Variants in ATP2C1 observed in about 807,000 individuals in gnomAD.
ATP2C1 encodes the protein ATPase secretory pathway Ca2+ transporting 1.
Under a neutral mutation model 120.5 loss-of-function variants are expected in ATP2C1, and 31 were observed. That is an observed-to-expected ratio of 0.26 (90% CI 0.19 to 0.35). The LOEUF (loss-of-function observed/expected upper bound fraction) is 0.35, where lower values mean the gene tolerates loss of function less well. ATP2C1 is among the 10% of genes least tolerant of loss of function. The pLI is 1.00. For synonymous variants in ATP2C1, 351 were observed against 358.7 expected, an observed-to-expected ratio of 0.98 and a Z score of 0.24; for missense variants, 731 against 1,107.5, an observed-to-expected ratio of 0.66 and a Z score of 4.83.
At chr3:130,973,174 T>A (rs1389499707) in intron 17 of ATP2C1, among the ~76,000 whole-genome samples, 1 of 152,094 alleles carries the variant, frequency 6.6e-6, no homozygotes, top group African/African-American at 2.4e-5. Flanking sequence ...TGAGAAGATT[T>A]TATCAACTAA....
At chr3:130,979,463 A>C in intron 19 of ATP2C1, 44 bp downstream of exon 19, 11 of 1,587,708 alleles carry the variant, frequency 6.9e-6, no homozygotes, top group Non-Finnish European at 9.5e-6. Context: ...GTTTTTCTTA[A>C]AATACTGTGG....
intron 2 of ATP2C1, among the ~76,000 whole-genome samples, chr3:130,898,236 A>C (rs2069810619): frequency 6.6e-6 from 1 of 152,192 alleles, no homozygotes; most frequent in Admixed American, 6.5e-5. Context: ...TTATAGACAG[A>C]GCTAATAGGT....
Position 130,998,374 on chromosome 3 carries a change from A to G in ATP2C1, c.2472A>G (p.Leu824=), listed in dbSNP as rs765072006. ...CFVFFDMFNA[L]SSRSQTKSVF... is the part of the protein sequence containing the mutation. ...TGTTTTTTGACATGTTCAATGCACTAAGTTCCAGATCCCAGGTATGTTTAG... is the reference window on the plus strand; with the variant it reads ...TGTTTTTTGACATGTTCAATGCACTGAGTTCCAGATCCCAGGTATGTTTAG... Residue 824 remains leucine (L), a synonymous_variant, in exon 26 of 28, where the codon CTA becomes CTG. Coordinates refer to ENST00000510168, the MANE Select transcript of ATP2C1 (RefSeq NM_001378687.1). 3.1e-5 allele frequency: 50 copies of G among 1,605,192 alleles called. No homozygotes were observed. The highest frequency in any genetic ancestry group is 3.9e-5 in the Non-Finnish European group (46 of 1,171,966).
At chr3:131,014,524 A>C (rs1287791341) in intron 26 of ATP2C1, 13 of 852,380 alleles carry the variant, frequency 1.5e-5, no homozygotes, top group South Asian at 6.3e-5. Flanking sequence ...GAAATTACTT[A>C]AGAATAATCT....
intron 26 of ATP2C1, chr3:131,014,320 G>C: frequency 6.2e-7 from 1 of 1,613,890 alleles, no homozygotes; most frequent in Non-Finnish European, 8.5e-7. Context: ...ATGCTCAGGA[G>C]ACTTTCTACA....
chr3:130,855,671 A>G (rs976890686), intron 1 of ATP2C1, among the ~76,000 whole-genome samples: 1 of 152,154 alleles, frequency 6.6e-6, no homozygotes. Flanking sequence ...GATGTAGAAA[A>G]AGGCCATATG....
chr3:130,911,075 T>G (rs1480364638), intron 2 of ATP2C1, among the ~76,000 whole-genome samples: 1 of 151,920 alleles, frequency 6.6e-6, no homozygotes, highest in African/African-American at 2.4e-5. Flanking sequence ...ATCCATCTGG[T>G]CCTGGACTCC....
At chr3:130,970,404 A>ACACACACACC (rs1321917253) in intron 17 of ATP2C1, among the ~76,000 whole-genome samples, 1 of 149,890 alleles carries the variant, frequency 6.7e-6, no homozygotes, top group Non-Finnish European at 1.5e-5. Context: ...ACACACACAC[A>ACACACACACC]CACCCTTAAA....
In ATP2C1 at chr3:131,001,443, T is replaced by C; in HGVS notation, c.*93T>C. On this transcript the variant is annotated 3_prime_UTR_variant, in exon 28 of 28. Coordinates refer to ENST00000510168, the MANE Select transcript of ATP2C1 (RefSeq NM_001378687.1). ...CAAGAGGATATGAAGATTTGAGAAC[T>C]TTTTAACTATTCATTGACTAAAAAT... 6.6e-7 allele frequency: 1 copy of C among 1,503,826 alleles called. No homozygotes were observed. The highest frequency in any genetic ancestry group is 8.9e-7 in the Non-Finnish European group (1 of 1,127,736). The allele number at this position is 1,503,826 out of a possible 1,614,324, so 93.2% of individuals were successfully genotyped here. A position where few individuals can be genotyped will look rare whatever the true frequency, so the allele number is the denominator to read the frequency against.
chr3:130,903,614 TCTCC>T lies in ATP2C1; in HGVS notation c.6+8850_6+8853del, dbSNP rs1452994105. On this transcript the variant is annotated intron_variant, in intron 2 of 27. Coordinates refer to ENST00000510168, the MANE Select transcript of ATP2C1 (RefSeq NM_001378687.1). Reference sequence around the variant, plus strand: ...AATCTAAAAAAACTTTCTTTCTTTCTCTCCCTCCCTCCCTTCTTTCCTTCTGCCC... The same window carrying T: ...AATCTAAAAAAACTTTCTTTCTTTCTCTCCCTCCCTTCTTTCCTTCTGCCC... 2.6e-5 allele frequency among the ~76,000 whole-genome samples: 4 copies of T among 151,510 alleles called. No individual in the cohort carries two copies. The South Asian group carries it at 6.3e-4, about 24-fold the overall frequency.
intron 14 of ATP2C1, 81 bp from the exon 15 acceptor site, chr3:130,967,064 A>G (rs376933269): frequency 8.5e-6 from 8 of 936,562 alleles, no homozygotes; most frequent in African/African-American, 8.1e-5. Flanking sequence ...AGAACTCATT[A>G]TAGTTTTTGG....
In ATP2C1 at chr3:130,867,543, C is replaced by T. The variant is rs1191459546; in HGVS notation, c.108+16615C>T. 8.6e-3 allele frequency among the ~76,000 whole-genome samples: 1,279 copies of T among 149,064 alleles called. 13 individuals are homozygous for T. The highest frequency in any genetic ancestry group is 0.025 in the African/African-American group (1,000 of 40,342). ...CTAACCGCGAGTGATCCGCCAGCCT[C>T]GGCCTCCCGAGGTGCCGGGATTGCA... On this transcript the variant is annotated intron_variant, in intron 1 of 26. Transcript: ENST00000504381.
Position 130,978,358 on chromosome 3 carries a change from T to G in ATP2C1, c.1571-891T>G, listed in dbSNP as rs77628915. 8.0e-3 allele frequency among the ~76,000 whole-genome samples: 1,224 copies of G among 152,266 alleles called. 22 individuals are homozygous for G. The highest frequency in any genetic ancestry group is 0.027 in the African/African-American group (1,113 of 41,536). Reference sequence around the variant, plus strand: ...GTTTCTTTGGTCTCTCTGGGGCTTTTCAGTCTCCTCTTGACTTATTTATGT... The same window carrying G: ...GTTTCTTTGGTCTCTCTGGGGCTTTGCAGTCTCCTCTTGACTTATTTATGT... On this transcript the variant is annotated intron_variant, in intron 18 of 27. Transcript: ENST00000510168.
intron 23 of ATP2C1, 142 bp downstream of exon 23, chr3:130,996,253 T>C (rs2062617791): frequency 2.8e-6 from 2 of 707,530 alleles, no homozygotes; most frequent in South Asian, 1.6e-5. Flanking sequence ...AGAAAATTTA[T>C]TGTATTCTGA....
chr3:130,991,432 T>A (rs1466542153), intron 20 of ATP2C1, among the ~76,000 whole-genome samples: 1 of 152,088 alleles, frequency 6.6e-6, no homozygotes, highest in Admixed American at 6.5e-5. Flanking sequence ...AGACAGCAAG[T>A]ATAGGCTACT....
At chr3:130,973,477 A>G (rs1289369055) in intron 17 of ATP2C1, among the ~76,000 whole-genome samples, 1 of 152,142 alleles carries the variant, frequency 6.6e-6, no homozygotes, top group Admixed American at 6.6e-5. Flanking sequence ...CATGAATAAT[A>G]TTGAACCTTA....
chr3:130,955,939 A>G (rs2060562882), intron 10 of ATP2C1, 165 bp from the exon 11 acceptor site: 1 of 595,958 alleles, frequency 1.7e-6, no homozygotes, highest in East Asian at 3.0e-5. Flanking sequence ...GCATTGTGTA[A>G]AATCTAAGTC....
Position 131,002,867 on chromosome 3 carries a change from T to A in ATP2C1, c.*1517T>A. 2 of 985,872 alleles carry A rather than the reference T, an allele frequency of 2.0e-6. No homozygotes were observed. The highest frequency in any genetic ancestry group is 2.4e-6 in the Non-Finnish European group (2 of 829,920). The allele number at this position is 985,872 out of a possible 1,614,324, so 61.1% of individuals were successfully genotyped here. ...GTAAGGAGCTGGCTGCAGTTTATTC[T>A]ACTTAACCCTTTAAGGCTGAATTGT... On this transcript the variant is annotated 3_prime_UTR_variant, in exon 28 of 28. Coordinates refer to ENST00000510168, the MANE Select transcript of ATP2C1 (RefSeq NM_001378687.1).
At chr3:130,996,591 TAAGA>T (rs1233394799) in intron 23 of ATP2C1, 85 bp from the exon 24 acceptor site, 7 of 885,966 alleles carry the variant, frequency 7.9e-6, no homozygotes, top group Non-Finnish European at 1.3e-5. Context: ...AGCATAGTAG[TAAGA>T]GATTTTTAAA....
Sources: allele counts gnomAD v4.1 joint callset (sites outside exome capture counted in the v4.1 genomes callset), GRCh38; gene constraint gnomAD v4.1.1; transcripts MANE v1.5; gene names NCBI Gene and HGNC (gene_info 2026-07-23, HGNC 2026-07-21).